Variants in DTX1 observed in about 807,000 individuals in gnomAD.
The protein encoded by DTX1 is E3 ubiquitin-protein ligase DTX1.
Under a neutral mutation model 57.8 loss-of-function variants are expected in DTX1, and 26 were observed. The ratio of observed to expected loss-of-function variants is 0.45; its 90% CI spans 0.33 to 0.62. The LOEUF (loss-of-function observed/expected upper bound fraction) is 0.62. Among genes scored for constraint, DTX1 ranks in the 20% least tolerant of loss-of-function variants. DTX1 has a pLI of 0.02. For synonymous variants in DTX1, 398 were observed against 394.1 expected (o/e 1.01, Z -0.12); for missense variants, 704 against 895.3 (o/e 0.79, Z 2.73).
At chr12:113,084,204 G>A (rs1049027583) in intron 3 of DTX1, among the ~76,000 whole-genome samples, 6 of 152,228 alleles carry the variant, frequency 3.9e-5, no homozygotes, top group Non-Finnish European at 7.3e-5. Context: ...GGGGACCTGC[G>A]GGGGTGGGGA....
chr12:113,072,294 C>T (rs2044742579), intron 2 of DTX1, among the ~76,000 whole-genome samples: 2 of 152,152 alleles, frequency 1.3e-5, no homozygotes, highest in African/African-American at 4.8e-5. Flanking sequence ...AGTGATCTAC[C>T]AATGAGGATG....
intron 2 of DTX1, among the ~76,000 whole-genome samples, chr12:113,074,714 G>A (rs982286656): frequency 2.6e-5 from 4 of 152,210 alleles, no homozygotes; most frequent in African/African-American, 9.7e-5. Context: ...TACTGCAATG[G>A]TCCAGGCAGG....
intron 2 of DTX1, among the ~76,000 whole-genome samples, chr12:113,068,306 G>C (rs367688130): frequency 6.6e-6 from 1 of 152,220 alleles, no homozygotes; most frequent in African/African-American, 2.4e-5. Flanking sequence ...TGCCAGGCCC[G>C]AAGGAACACA....
intron 2 of DTX1, among the ~76,000 whole-genome samples, 156 bp downstream of exon 2, chr12:113,058,607 G>C (rs2044647090): frequency 6.6e-6 from 1 of 152,216 alleles, no homozygotes; most frequent in Non-Finnish European, 1.5e-5. Flanking sequence ...ACCTTGTCCA[G>C]TTTAAGACTT....
intron 2 of DTX1, among the ~76,000 whole-genome samples, chr12:113,076,874 T>C (rs534507900): frequency 3.2e-4 from 48 of 152,326 alleles, no homozygotes; most frequent in African/African-American, 1.1e-3. Context: ...ATGGGGCCTA[T>C]GTGCATGGCC....
chr12:113,087,653 T>C (rs1286218829), intron 3 of DTX1, among the ~76,000 whole-genome samples: 1 of 152,158 alleles, frequency 6.6e-6, no homozygotes, highest in Non-Finnish European at 1.5e-5. Flanking sequence ...TCCTCACTTC[T>C]GCCCCCTCCT....
chr12:113,074,835 GAT>G (rs2044759516), intron 2 of DTX1, among the ~76,000 whole-genome samples: 1 of 152,218 alleles, frequency 6.6e-6, no homozygotes, highest in Non-Finnish European at 1.5e-5. Context: ...TTGGAGGTGG[GAT>G]ATGAGGTAGA....
intron 2 of DTX1, among the ~76,000 whole-genome samples, chr12:113,065,262 G>T (rs912219220): frequency 3.3e-5 from 5 of 152,200 alleles, no homozygotes; most frequent in Non-Finnish European, 7.3e-5. Context: ...CAGCCAGCGG[G>T]TGTCACCCCA....
In DTX1 at chr12:113,077,804, G is replaced by A. The variant is rs1396598461; in HGVS notation, c.640G>A (p.Ala214Thr). Residue 214 changes from alanine (A) to threonine (T), a missense_variant, in exon 3 of 10, where the codon GCC (alanine) becomes ACC (threonine). Coordinates refer to ENST00000548759, the MANE Select transcript of DTX1 (RefSeq NM_004416.3). This position sits in a 1 kb window ranked among gnomAD's most constrained non-coding sequence, Gnocchi z 7.8. ...CCTGCTGGTCAACAGCACGCGCGCC[G>A]CCTCCAACGCCATCCTGGCCTCGCA... is the stretch of plus-strand genomic sequence containing the variant. ...QCLLVNSTRAASNAILASQRR... is the reference protein window; with the variant it reads ...QCLLVNSTRATSNAILASQRR... 6.7e-7 allele frequency: 1 copy of A among 1,484,660 alleles called. No individual in the cohort carries two copies. The highest frequency in any genetic ancestry group is 2.3e-5 in the Admixed American group (1 of 42,692). 92.0% of individuals were successfully genotyped at this position (1,484,660 alleles called of 1,614,324 possible). A position where few individuals can be genotyped will look rare whatever the true frequency, so the allele number is the denominator to read the frequency against.
intron 3 of DTX1, 69 bp downstream of exon 3, chr12:113,078,174 T>A: frequency 8.5e-7 from 1 of 1,183,338 alleles, no homozygotes; most frequent in Non-Finnish European, 1.1e-6. Flanking sequence ...CGGGGGTGGT[T>A]GGCCACTAGG....
At chr12:113,084,052 A>T (rs2044837359) in intron 3 of DTX1, among the ~76,000 whole-genome samples, 1 of 152,256 alleles carries the variant, frequency 6.6e-6, no homozygotes, top group African/African-American at 2.4e-5. Flanking sequence ...CTGGACGGGT[A>T]ACAGCGAAGG....
chr12:113,084,376 C>G (rs2044840539), intron 3 of DTX1, among the ~76,000 whole-genome samples: 1 of 152,146 alleles, frequency 6.6e-6, no homozygotes, highest in South Asian at 2.1e-4. Context: ...GTCCCAGGCT[C>G]TCAATTTCAT....
chr12:113,081,285 C>T (rs1461540964), intron 3 of DTX1, among the ~76,000 whole-genome samples: 2 of 152,086 alleles, frequency 1.3e-5, no homozygotes, highest in African/African-American at 2.4e-5. Context: ...GCCGAGATCA[C>T]GCCACTGCAC....
intron 2 of DTX1, among the ~76,000 whole-genome samples, chr12:113,068,193 CATTT>C (rs1272285699): frequency 6.6e-6 from 1 of 152,230 alleles, no homozygotes; most frequent in Non-Finnish European, 1.5e-5. Flanking sequence ...GTTATTCATT[CATTT>C]ATTCATTCAT....
chr12:113,084,733 G>T (rs1311434785), intron 3 of DTX1, among the ~76,000 whole-genome samples: 1 of 152,162 alleles, frequency 6.6e-6, no homozygotes, highest in Non-Finnish European at 1.5e-5. Flanking sequence ...AATGTGGCAG[G>T]TTCTATAATC....
intron 2 of DTX1, among the ~76,000 whole-genome samples, chr12:113,064,818 C>T (rs2044692788): frequency 6.6e-6 from 1 of 152,252 alleles, no homozygotes; most frequent in South Asian, 2.1e-4. Context: ...ATTTAAATGC[C>T]TCACTAGGCA....
In DTX1 at chr12:113,077,551, C is replaced by A. The variant is rs200332302; in HGVS notation, c.387C>A (p.Ile129=). The change falls in exon 3 of 10, where the codon ATC becomes ATA. Residue 129 remains isoleucine (I), a synonymous_variant. Transcript: ENST00000548759. The surrounding 1 kb of genome is among the most constrained non-coding windows in gnomAD (Gnocchi z 7.8). ...ACGATATGGACATCTGCATCACCAT[C>A]CAGAACGCCTACGAGAAGCAGCACC... ...TAYDMDICIT[I]QNAYEKQHPW... 3 of 1,613,930 alleles carry A rather than the reference C, an allele frequency of 1.9e-6. No individual in the cohort carries two copies. Among genetic ancestry groups the A allele is most frequent in the Non-Finnish European group, 2.5e-6 (3 of 1,179,938 alleles).
intron 2 of DTX1, among the ~76,000 whole-genome samples, chr12:113,068,452 G>A (rs2044719018): frequency 6.6e-6 from 1 of 152,236 alleles, no homozygotes; most frequent in Admixed American, 6.5e-5. Flanking sequence ...TGCTTGTGCT[G>A]AGCCAGAAGA....
At chr12:113,080,328 A>G (rs1457020504) in intron 3 of DTX1, among the ~76,000 whole-genome samples, 1 of 152,168 alleles carries the variant, frequency 6.6e-6, no homozygotes, top group Non-Finnish European at 1.5e-5. Flanking sequence ...ATGGCCCCTT[A>G]TAGACAGCAG....
Sources: gnomAD v4.1 joint callset for allele counts (sites outside exome capture counted in the v4.1 genomes callset) on GRCh38, gnomAD v4.1.1 for gene constraint, Gnocchi (gnomAD v3.1) non-coding constraint, MANE v1.5 for transcripts, NCBI Gene and HGNC (gene_info 2026-07-23, HGNC 2026-07-21) for gene names.